Variants in DLG2 observed in about 807,000 individuals in gnomAD.
DLG2 encodes the protein discs large MAGUK scaffold protein 2, also known as disks large homolog 2.
A neutral mutation model predicts 132.5 loss-of-function variants in DLG2; 45 were observed. The ratio of observed to expected loss-of-function variants is 0.34; its 90% CI spans 0.27 to 0.44. The LOEUF (loss-of-function observed/expected upper bound fraction) is 0.44. DLG2 is among the 20% of genes least tolerant of loss of function. The pLI, the probability that DLG2 is intolerant of heterozygous loss-of-function variation, is 1.00. For missense variants in DLG2, 1,045 were observed against 1,196.9 expected, an observed-to-expected ratio of 0.87 and a Z score of 1.87; for synonymous variants, 424 against 419.6, an observed-to-expected ratio of 1.01 and a Z score of -0.13.
At chr11:83,675,026 A>G (rs567465162) in intron 18 of DLG2, among the ~76,000 whole-genome samples, 9 of 152,378 alleles carry the variant, frequency 5.9e-5, no homozygotes, top group Admixed American at 3.9e-4. Flanking sequence ...TAGAAAGTAA[A>G]TAACAGTTTT....
intron 7 of DLG2, among the ~76,000 whole-genome samples, chr11:84,280,882 T>TG (rs1383410259): frequency 7.0e-6 from 1 of 142,608 alleles, no homozygotes; most frequent in African/African-American, 2.6e-5. Flanking sequence ...TTTTTTTTTT[T>TG]TTTTTTTTTT....
intron 7 of DLG2, among the ~76,000 whole-genome samples, chr11:84,366,437 T>A: frequency 6.6e-6 from 1 of 150,826 alleles, no homozygotes; most frequent in South Asian, 2.1e-4. Context: ...AACATCATAA[T>A]GACAGGATCA....
chr11:85,174,007 C>A (rs562864777), intron 4 of DLG2, among the ~76,000 whole-genome samples: 2 of 152,212 alleles, frequency 1.3e-5, no homozygotes, highest in African/African-American at 4.8e-5. Context: ...CTTAGACTCT[C>A]AAAGAATAAT....
At chr11:83,490,449 A>AAAG (rs1486346273) in intron 21 of DLG2, among the ~76,000 whole-genome samples, 13 of 152,008 alleles carry the variant, frequency 8.6e-5, no homozygotes, top group African/African-American at 3.1e-4. Flanking sequence ...AAGGAAGGAT[A>AAAG]AAGTCAGGAA....
intron 24 of DLG2, among the ~76,000 whole-genome samples, 173 bp downstream of exon 24, chr11:83,471,453 G>C (rs1365464672): frequency 6.6e-6 from 1 of 152,120 alleles, no homozygotes; most frequent in Non-Finnish European, 1.5e-5. Context: ...ACACACGGCA[G>C]CATAAATGAA....
chr11:84,465,687 G>A (rs914026743), intron 7 of DLG2, among the ~76,000 whole-genome samples: 3 of 151,198 alleles, frequency 2.0e-5, no homozygotes, highest in Admixed American at 2.0e-4. Context: ...CATTTTTATG[G>A]TACAAAACTA....
At chr11:84,820,113 A>G (rs536765253) in intron 6 of DLG2, among the ~76,000 whole-genome samples, 1 of 151,542 alleles carries the variant, frequency 6.6e-6, no homozygotes, top group East Asian at 2.0e-4. Context: ...TGTAAATTAA[A>G]TACAACTGCA....
intron 8 of DLG2, among the ~76,000 whole-genome samples, chr11:84,223,556 CTTTTTT>C (rs5793116): frequency 7.6e-6 from 1 of 131,576 alleles, no homozygotes. Flanking sequence ...ATTTATGTGA[CTTTTTT>C]TTTTTTTTTT....
intron 10 of DLG2, among the ~76,000 whole-genome samples, chr11:84,062,304 A>C (rs2096603953): frequency 6.6e-6 from 1 of 152,140 alleles, no homozygotes; most frequent in Admixed American, 6.6e-5. Flanking sequence ...TATCTTTTTG[A>C]ACTTCAGTAT....
intron 13 of DLG2, among the ~76,000 whole-genome samples, chr11:83,964,287 T>G (rs570208321): frequency 6.6e-6 from 1 of 152,100 alleles, no homozygotes; most frequent in African/African-American, 2.4e-5. Flanking sequence ...TTAAAACTCT[T>G]TCATATTCTA....
chr11:84,963,101 G>A (rs1232918051), intron 6 of DLG2, among the ~76,000 whole-genome samples: 1 of 151,992 alleles, frequency 6.6e-6, no homozygotes, highest in Non-Finnish European at 1.5e-5. Flanking sequence ...CAGCAAAAAA[G>A]GTCAAATGTC....
chr11:84,035,590 A>G (rs2095843472), intron 11 of DLG2, among the ~76,000 whole-genome samples: 1 of 152,208 alleles, frequency 6.6e-6, no homozygotes, highest in African/African-American at 2.4e-5. Flanking sequence ...GATGAAGCCA[A>G]AGAGGTAGCC....
At chr11:85,438,363 G>A (rs1202955659) in intron 3 of DLG2, among the ~76,000 whole-genome samples, 2 of 152,046 alleles carry the variant, frequency 1.3e-5, no homozygotes, top group African/African-American at 4.8e-5. Flanking sequence ...TTTTAACTTA[G>A]TTGTTGTTTT....
intron 6 of DLG2, among the ~76,000 whole-genome samples, chr11:84,647,900 C>A (rs1038860700): frequency 2.0e-5 from 3 of 152,162 alleles, no homozygotes; most frequent in African/African-American, 7.2e-5. Flanking sequence ...ATATTAATTA[C>A]ATCTACCATT....
chr11:84,571,896 C>T (rs1473602161), intron 6 of DLG2, among the ~76,000 whole-genome samples: 1 of 152,094 alleles, frequency 6.6e-6, no homozygotes, highest in Non-Finnish European at 1.5e-5. Context: ...TCACTTACTG[C>T]ATACTGTTTA....
In DLG2 at chr11:83,652,314, T is replaced by C. The variant is rs115395436; in HGVS notation, c.1826-18989A>G. ...AACCTTTGAAAGCTAATTATTCACT[T>C]TGAGAGATGATTAAGATGAATAGTC... On this transcript the variant is annotated intron_variant, in intron 18 of 27. Coordinates refer to ENST00000376104, the MANE Select transcript of DLG2 (RefSeq NM_001142699.3). Among the ~76,000 whole-genome samples the C allele has an allele frequency of 2.6e-5, 4 of 152,262 alleles. No homozygotes were observed. The South Asian group carries it at 8.3e-4, about 32-fold the overall frequency.
chr11:85,581,276 G>C (rs952300929), intron 3 of DLG2, among the ~76,000 whole-genome samples: 1 of 151,912 alleles, frequency 6.6e-6, no homozygotes, highest in East Asian at 1.9e-4. Context: ...CCTTAACTCC[G>C]CTCATACCTT....
intron 7 of DLG2, among the ~76,000 whole-genome samples, chr11:84,517,632 G>C (rs959648871): frequency 6.6e-6 from 1 of 151,932 alleles, no homozygotes; most frequent in Non-Finnish European, 1.5e-5. Context: ...ATATAATTCA[G>C]TAATTCAACT....
chr11:85,583,726 C>G lies in DLG2; in HGVS notation c.40+14931G>C, dbSNP rs1343890595. 2.0e-5 allele frequency among the ~76,000 whole-genome samples: 3 copies of G among 152,184 alleles called. No homozygotes were observed. The East Asian group carries it at 5.8e-4, about 29-fold the overall frequency. The stretch of plus-strand genomic sequence containing the variant: ...ATAAAGGAGAAGCCTATGAGATACT[C>G]ATGAGATACTTTCTCTTCCACTGCT... On this transcript the variant is annotated intron_variant, in intron 3 of 27. Transcript: ENST00000376104.
Sources: allele counts gnomAD v4.1 joint callset (sites outside exome capture counted in the v4.1 genomes callset), GRCh38; gene constraint gnomAD v4.1.1; transcripts MANE v1.5; gene names NCBI Gene and HGNC (gene_info 2026-07-23, HGNC 2026-07-21).